Variants in PDLIM5 observed in about 807,000 individuals in gnomAD.
PDLIM5 encodes the protein PDZ and LIM domain 5.
A neutral mutation model predicts 64.2 loss-of-function variants in PDLIM5; 34 were observed. The ratio of observed to expected loss-of-function variants is 0.53; its 90% confidence interval spans 0.40 to 0.71. The LOEUF (loss-of-function observed/expected upper bound fraction) is 0.71. Among genes scored for constraint, PDLIM5 ranks in the 30% least tolerant of loss-of-function variants. The pLI, the probability that PDLIM5 is intolerant of heterozygous loss-of-function variation, is 0.00. For synonymous variants in PDLIM5, 253 were observed against 269.1 expected (o/e 0.94, Z 0.59); for missense variants, 683 against 733.6 (o/e 0.93, Z 0.80).
intron 3 of PDLIM5, among the ~76,000 whole-genome samples, chr4:94,564,282 C>T (rs1253133831): frequency 6.6e-6 from 1 of 152,048 alleles, no homozygotes; most frequent in African/African-American, 2.4e-5. Flanking sequence ...TTTTCTATCT[C>T]ACTCAGAATA....
At chr4:94,619,194 TTTA>T (rs1286355547) in intron 8 of PDLIM5, among the ~76,000 whole-genome samples, 1 of 152,134 alleles carries the variant, frequency 6.6e-6, no homozygotes, top group Non-Finnish European at 1.5e-5. Context: ...GGTTTTACTT[TTTA>T]TTATTTCTCA....
chr4:94,533,781 T>C (rs185341534), intron 3 of PDLIM5, among the ~76,000 whole-genome samples: 256 of 152,332 alleles, frequency 1.7e-3, no homozygotes, highest in African/African-American at 5.9e-3. Context: ...AAAGTACTTC[T>C]AGAGGACCAT....
intron 1 of PDLIM5, among the ~76,000 whole-genome samples, chr4:94,454,829 C>T (rs1480320841): frequency 6.6e-6 from 1 of 152,108 alleles, no homozygotes; most frequent in Non-Finnish European, 1.5e-5. Context: ...TAAGTAAGTG[C>T]AGTTGAAAGA....
intron 10 of PDLIM5, 120 bp downstream of exon 10, chr4:94,654,760 C>T (rs989964894): frequency 4.9e-5 from 32 of 651,018 alleles, no homozygotes; most frequent in African/African-American, 3.7e-4. Context: ...TCTCTGCTTT[C>T]GGCACTATTT....
At chr4:94,607,952 CA>C in intron 7 of PDLIM5, 1 of 685,882 alleles carries the variant, frequency 1.5e-6, no homozygotes. Flanking sequence ...ATAGTGTTCC[CA>C]AAATTGAACT....
In PDLIM5 at chr4:94,662,411, CCTTAAT is replaced by C; in HGVS notation, c.1586-10_1586-5del. ...GTTTAAATTATGTCTCTCTGCCCTC[CCTTAAT>C]ACAGATTATTATGCCCTCTTTGGTA... On this transcript the variant is annotated splice_region_variant and splice_polypyrimidine_tract_variant and intron_variant, in intron 11 of 12. Transcript: ENST00000317968. 1 of 1,233,252 alleles carries C rather than the reference CCTTAAT, an allele frequency of 8.1e-7. No homozygotes were observed. 76.4% of individuals were successfully genotyped at this position (1,233,252 alleles called of 1,614,324 possible).
rs1735926034 is a variant in PDLIM5 at position 94,583,668 on chromosome 4, T to A, written c.711-1897T>A. 2.0e-5 allele frequency among the ~76,000 whole-genome samples: 3 copies of A among 152,198 alleles called. No individual in the cohort carries two copies. In the South Asian group the frequency reaches 6.2e-4, roughly 31 times the overall value. ...GTGGAAGGTCTTTTAGATGTTTTACTTGTGGAATCATGATATTACCATATT... is the reference window on the plus strand; with the variant it reads ...GTGGAAGGTCTTTTAGATGTTTTACATGTGGAATCATGATATTACCATATT... On this transcript the variant is annotated intron_variant, in intron 5 of 12. Coordinates refer to ENST00000317968, the MANE Select transcript of PDLIM5 (RefSeq NM_006457.5).
chr4:94,585,291 T>C (rs1042142855), intron 5 of PDLIM5, among the ~76,000 whole-genome samples: 1 of 151,878 alleles, frequency 6.6e-6, no homozygotes, highest in Non-Finnish European at 1.5e-5. Flanking sequence ...GGAGTTTCAC[T>C]GTGTTAGCCA....
chr4:94,461,925 C>T (rs1723919469), intron 2 of PDLIM5, among the ~76,000 whole-genome samples: 1 of 152,122 alleles, frequency 6.6e-6, no homozygotes, highest in South Asian at 2.1e-4. Context: ...AGTGCAGTGG[C>T]GCGATCTCGG....
chr4:94,509,367 C>T (rs1728667717), intron 2 of PDLIM5, among the ~76,000 whole-genome samples: 1 of 152,070 alleles, frequency 6.6e-6, no homozygotes. Context: ...CTTTTACTTC[C>T]AGACATTTTA....
intron 2 of PDLIM5, among the ~76,000 whole-genome samples, chr4:94,460,447 T>G (rs1266436583): frequency 2.0e-5 from 3 of 152,042 alleles, no homozygotes; most frequent in Admixed American, 6.6e-5. Context: ...GAAACCGATG[T>G]AGGGTTTGGA....
At chr4:94,567,471 A>T (rs528774314) in intron 3 of PDLIM5, among the ~76,000 whole-genome samples, 2 of 151,828 alleles carry the variant, frequency 1.3e-5, no homozygotes, top group Non-Finnish European at 2.9e-5. Flanking sequence ...ATTGGACCTT[A>T]GTAAGTTTTC....
intron 3 of PDLIM5, among the ~76,000 whole-genome samples, chr4:94,569,355 A>G (rs558189097): frequency 7.9e-6 from 1 of 126,064 alleles, no homozygotes; most frequent in East Asian, 2.1e-4. Flanking sequence ...GTTTGTTTAG[A>G]CAGAGTCTTG....
intron 2 of PDLIM5, among the ~76,000 whole-genome samples, chr4:94,514,285 C>A (rs1450233172): frequency 6.6e-6 from 1 of 152,002 alleles, no homozygotes; most frequent in African/African-American, 2.4e-5. Context: ...CAGGTGCCCA[C>A]CATCACGCCC....
chr4:94,513,862 G>A (rs1324206326), intron 2 of PDLIM5, among the ~76,000 whole-genome samples: 1 of 152,098 alleles, frequency 6.6e-6, no homozygotes, highest in African/African-American at 2.4e-5. Flanking sequence ...CTGTGGGTCT[G>A]TCATATATGG....
At chr4:94,559,516 G>T (rs1733657210) in intron 3 of PDLIM5, among the ~76,000 whole-genome samples, 1 of 152,210 alleles carries the variant, frequency 6.6e-6, no homozygotes. Context: ...GCCAGTGTTT[G>T]CTTTGGGGTA....
intron 2 of PDLIM5, among the ~76,000 whole-genome samples, chr4:94,478,890 G>GTTTTTTTTGT (rs1553937018): frequency 3.8e-4 from 36 of 94,074 alleles, no homozygotes; most frequent in African/African-American, 1.6e-3. Context: ...TGTGCTTGGT[G>GTTTTTTTTGT]TTTTTTTTTT....
At chr4:94,502,120 G>A (rs1377560969) in intron 2 of PDLIM5, among the ~76,000 whole-genome samples, 1 of 151,790 alleles carries the variant, frequency 6.6e-6, no homozygotes, top group Non-Finnish European at 1.5e-5. Context: ...TTTGGTCTAG[G>A]TGGTTAGAAT....
intron 11 of PDLIM5, among the ~76,000 whole-genome samples, chr4:94,659,494 A>ATGTG (rs1163008328): frequency 0.016 from 1,714 of 109,026 alleles, 44 homozygotes; most frequent in African/African-American, 0.052. Flanking sequence ...ATATGTGTGT[A>ATGTG]TGTGTGTGTG....
Sources: gnomAD v4.1 joint callset for allele counts (sites outside exome capture counted in the v4.1 genomes callset) on GRCh38, gnomAD v4.1.1 for gene constraint, MANE v1.5 for transcripts, NCBI Gene and HGNC (gene_info 2026-07-23, HGNC 2026-07-21) for gene names.